Variants in TRPC4 observed in about 807,000 individuals in gnomAD.
The protein encoded by TRPC4 is short transient receptor potential channel 4.
TRPC4 carries 49 observed loss-of-function variants against 99.4 expected under a neutral mutation model. The observed-to-expected ratio is 0.49, with a 90% CI of 0.39 to 0.63. The LOEUF is 0.63. Among genes scored for constraint, TRPC4 ranks in the 20% least tolerant of loss-of-function variants. The pLI is 0.00. For missense variants in TRPC4, 898 were observed against 1,152.9 expected (o/e 0.78, Z 3.20); for synonymous variants, 454 against 425.9 (o/e 1.07, Z -0.81).
chr13:37,743,926 T>C (rs1037277237), intron 3 of TRPC4, among the ~76,000 whole-genome samples: 5 of 152,106 alleles, frequency 3.3e-5, no homozygotes, highest in Non-Finnish European at 7.4e-5. Context: ...TTCAATGCCA[T>C]GACCAAAATG....
chr13:37,676,980 T>C (rs1953079894), intron 4 of TRPC4, among the ~76,000 whole-genome samples: 1 of 151,776 alleles, frequency 6.6e-6, no homozygotes, highest in Non-Finnish European at 1.5e-5. Flanking sequence ...TTTAAAAGTT[T>C]TCTAACATAT....
intron 2 of TRPC4, 114 bp downstream of exon 2, chr13:37,782,842 T>C (rs1165479820): frequency 9.3e-7 from 1 of 1,072,178 alleles, no homozygotes; most frequent in Non-Finnish European, 1.3e-6. Context: ...TTGAAGCTTA[T>C]ATTTCTTAAA....
At chr13:37,736,895 ATT>A (rs34176145) in intron 3 of TRPC4, among the ~76,000 whole-genome samples, 12 of 127,716 alleles carry the variant, frequency 9.4e-5, no homozygotes, top group African/African-American at 1.8e-4. Context: ...TGCCTGGCTA[ATT>A]TTTTTTTTTT....
intron 3 of TRPC4, among the ~76,000 whole-genome samples, chr13:37,739,629 C>T (rs1169261322): frequency 1.3e-5 from 2 of 151,558 alleles, no homozygotes; most frequent in Non-Finnish European, 2.9e-5. Flanking sequence ...CCTCAGCCTC[C>T]TGAGTAACTG....
At chr13:37,786,653 T>A (rs914972285) in intron 1 of TRPC4, among the ~76,000 whole-genome samples, 1 of 152,002 alleles carries the variant, frequency 6.6e-6, no homozygotes, top group African/African-American at 2.4e-5. Flanking sequence ...ACCTATAATG[T>A]CAAAATAAAA....
chr13:37,800,538 T>C (rs7323114), intron 1 of TRPC4, among the ~76,000 whole-genome samples: 39,028 of 152,094 alleles, frequency 0.26, 5,521 homozygotes, highest in East Asian at 0.43. Context: ...GCTTTAGTTT[T>C]ATAAAATTGA....
chr13:37,637,353 C>G lies in TRPC4; in HGVS notation c.2484G>C (p.Pro828=). The G allele has an allele frequency of 6.2e-7, 1 of 1,613,600 alleles. No individual in the cohort carries two copies. Among genetic ancestry groups the G allele is most frequent in the Non-Finnish European group, 8.5e-7 (1 of 1,179,862 alleles). The change falls in exon 11 of 11, where the codon CCG becomes CCC. Residue 828 remains proline (P), a synonymous_variant. Coordinates refer to ENST00000379705, the MANE Select transcript of TRPC4 (RefSeq NM_016179.4). ...SNGSALVVQE[P]PREKQRKVNF... is the part of the protein sequence containing the mutation. ...TCACTTTTCTCTGCTTCTCCCTGGG[C>G]GGCTCCTGAACCACCAGGGCAGAGC...
intron 1 of TRPC4, among the ~76,000 whole-genome samples, chr13:37,833,220 AT>A (rs1226718197): frequency 1.3e-5 from 2 of 151,338 alleles, no homozygotes; most frequent in Non-Finnish European, 2.9e-5. Context: ...TTTTCTGCCA[AT>A]TTTTTCTGAT....
chr13:37,675,428 G>T (rs1420633892), intron 4 of TRPC4, among the ~76,000 whole-genome samples: 1 of 152,140 alleles, frequency 6.6e-6, no homozygotes, highest in East Asian at 1.9e-4. Context: ...CTGTGAGGTA[G>T]CAGGAGAGAC....
At chr13:37,648,142 C>T (rs1388152792) in intron 8 of TRPC4, among the ~76,000 whole-genome samples, 1 of 152,054 alleles carries the variant, frequency 6.6e-6, no homozygotes, top group Middle Eastern at 3.2e-3. Context: ...AGGGTTTCAC[C>T]GTGTTGGCCA....
At chr13:37,766,676 A>T (rs1423716197) in intron 2 of TRPC4, among the ~76,000 whole-genome samples, 1 of 151,432 alleles carries the variant, frequency 6.6e-6, no homozygotes, top group Non-Finnish European at 1.5e-5. Flanking sequence ...AACAGTAGAC[A>T]TGTGGCTGGG....
At chr13:37,640,876 T>C (rs1951694423) in intron 8 of TRPC4, among the ~76,000 whole-genome samples, 2 of 152,168 alleles carry the variant, frequency 1.3e-5, no homozygotes, top group Non-Finnish European at 2.9e-5. Flanking sequence ...AGCTAGAAAC[T>C]CTTAATTTAA....
rs1367970832 is a variant in TRPC4, at chr13:37,822,940, C to T, written c.-27-39580G>A. Among the ~76,000 whole-genome samples the T allele has an allele frequency of 3.1e-3, 459 of 147,358 alleles. 2 individuals are homozygous for T. The highest frequency in any genetic ancestry group is 0.011 in the African/African-American group (438 of 40,186). On this transcript the variant is annotated intron_variant, in intron 1 of 10. Coordinates refer to ENST00000379705, the MANE Select transcript of TRPC4 (RefSeq NM_016179.4). ...CATCCTCTCCAGCACCTGTTGTTTC[C>T]TGACTTTTTAATGATTGCCATTCTA... is the stretch of plus-strand genomic sequence containing the variant.
rs191388924 is a variant in TRPC4 at position 37,687,201 on chromosome 13, G to A, written c.1234+4798C>T. On this transcript the variant is annotated intron_variant, in intron 4 of 10. Coordinates refer to ENST00000379705, the MANE Select transcript of TRPC4 (RefSeq NM_016179.4). ...TATGGTCTCGAACCCCTGACCTCGT[G>A]ATCCACCCACCTCAGCCTCCCAAAG... Among the ~76,000 whole-genome samples the A allele has an allele frequency of 2.7e-3, 406 of 152,208 alleles. 4 individuals are homozygous for A. The highest frequency in any genetic ancestry group is 9.3e-3 in the African/African-American group (387 of 41,544).
intron 8 of TRPC4, among the ~76,000 whole-genome samples, chr13:37,649,744 A>AAAAC (rs1462530874): frequency 6.9e-6 from 1 of 145,604 alleles, no homozygotes; most frequent in Admixed American, 7.0e-5. Flanking sequence ...AAAAAAAAAA[A>AAAAC]AAAAAAAAAA....
intron 1 of TRPC4, among the ~76,000 whole-genome samples, chr13:37,854,476 A>AT (rs1205132605): frequency 6.6e-6 from 1 of 152,122 alleles, no homozygotes; most frequent in African/African-American, 2.4e-5. Flanking sequence ...CAAGAAAAGA[A>AT]TCATCTAAAG....
At chr13:37,697,814 G>T (rs1435971711) in intron 3 of TRPC4, among the ~76,000 whole-genome samples, 1 of 152,176 alleles carries the variant, frequency 6.6e-6, no homozygotes, top group Non-Finnish European at 1.5e-5. Flanking sequence ...TAAAGGATTT[G>T]ATGTCTAACG....
intron 1 of TRPC4, among the ~76,000 whole-genome samples, chr13:37,785,003 A>T (rs547606019): frequency 5.3e-4 from 80 of 152,180 alleles, no homozygotes; most frequent in African/African-American, 1.7e-3. Context: ...AATATGTATT[A>T]ATTTTAGACG....
intron 3 of TRPC4, among the ~76,000 whole-genome samples, chr13:37,708,703 T>G (rs1456008179): frequency 6.7e-6 from 1 of 148,488 alleles, no homozygotes; most frequent in Non-Finnish European, 1.5e-5. Context: ...ATTATATATA[T>G]AGTTTATATA....
Sources: gnomAD v4.1 joint callset for allele counts (sites outside exome capture counted in the v4.1 genomes callset) on GRCh38, gnomAD v4.1.1 for gene constraint, MANE v1.5 for transcripts, NCBI Gene and HGNC (gene_info 2026-07-23, HGNC 2026-07-21) for gene names.